Variants in BRINP1 observed in about 807,000 individuals in gnomAD.
BRINP1 encodes BMP/retinoic acid-inducible neural-specific protein 1.
Under a neutral mutation model 72.9 loss-of-function variants are expected in BRINP1, and 17 were observed. That is an observed-to-expected ratio of 0.23 (90% CI 0.16 to 0.35). The LOEUF is 0.35. BRINP1 is among the 10% of genes least tolerant of loss of function. The pLI is 1.00. For missense variants in BRINP1, 850 were observed against 1,001.6 expected (o/e 0.85, Z 2.04); for synonymous variants, 418 against 378.5 (o/e 1.10, Z -1.21).
chr9:119,196,357 T>A (rs1829737380), intron 7 of BRINP1, among the ~76,000 whole-genome samples: 1 of 152,184 alleles, frequency 6.6e-6, no homozygotes, highest in South Asian at 2.1e-4. Flanking sequence ...ACAGATCATA[T>A]CAGCACAGAG....
chr9:119,291,285 A>G (rs529924954), intron 2 of BRINP1, among the ~76,000 whole-genome samples: 1 of 152,318 alleles, frequency 6.6e-6, no homozygotes, highest in South Asian at 2.1e-4. Flanking sequence ...CTGTGCAACT[A>G]TATTTGGCTA....
chr9:119,313,428 G>A, intron 1 of BRINP1, 23 bp from the exon 2 acceptor site: 2 of 1,514,758 alleles, frequency 1.3e-6, no homozygotes, highest in Non-Finnish European at 1.8e-6. Flanking sequence ...GAATAAAAAA[G>A]AGAGAGAAAA....
At chr9:119,363,383 T>A (rs1831655553) in intron 1 of BRINP1, among the ~76,000 whole-genome samples, 1 of 152,212 alleles carries the variant, frequency 6.6e-6, no homozygotes, top group Admixed American at 6.5e-5. Context: ...ATTAGAGGCA[T>A]GAGCCACCAA....
chr9:119,326,655 G>C (rs1262938243), intron 1 of BRINP1, among the ~76,000 whole-genome samples: 1 of 152,104 alleles, frequency 6.6e-6, no homozygotes, highest in Non-Finnish European at 1.5e-5. Flanking sequence ...CTTTCAAAAG[G>C]GGAAGTGAAA....
chr9:119,239,449 G>A (rs1227824776), intron 4 of BRINP1, among the ~76,000 whole-genome samples: 2 of 152,298 alleles, frequency 1.3e-5, no homozygotes, highest in East Asian at 3.9e-4. Context: ...GGGTAAGAGA[G>A]GAACAGCTAT....
At chr9:119,285,899 CA>C (rs1830756419) in intron 2 of BRINP1, among the ~76,000 whole-genome samples, 1 of 152,056 alleles carries the variant, frequency 6.6e-6, no homozygotes, top group African/African-American at 2.4e-5. Context: ...AACTGAGATC[CA>C]ACTTATACCA....
At chr9:119,343,727 G>T (rs1206241616) in intron 1 of BRINP1, among the ~76,000 whole-genome samples, 2 of 152,104 alleles carry the variant, frequency 1.3e-5, no homozygotes, top group Admixed American at 1.3e-4. Flanking sequence ...TGCACTATCT[G>T]CCTGAGGCTG....
At chr9:119,229,589 G>A (rs1181568510) in intron 5 of BRINP1, among the ~76,000 whole-genome samples, 1 of 152,078 alleles carries the variant, frequency 6.6e-6, no homozygotes, top group Non-Finnish European at 1.5e-5. Flanking sequence ...AAGAAGCCAG[G>A]AGGCTTCTCA....
intron 2 of BRINP1, among the ~76,000 whole-genome samples, chr9:119,279,589 G>A (rs1328397741): frequency 2.0e-5 from 3 of 152,228 alleles, no homozygotes; most frequent in Non-Finnish European, 2.9e-5. Context: ...CCCTTCAGAG[G>A]TAGCCAAAGC....
chr9:119,315,988 G>C (rs944713410), intron 1 of BRINP1, among the ~76,000 whole-genome samples: 3 of 152,322 alleles, frequency 2.0e-5, no homozygotes, highest in Admixed American at 6.5e-5. Flanking sequence ...TAACATGAAA[G>C]TACAAGGTGA....
intron 2 of BRINP1, among the ~76,000 whole-genome samples, chr9:119,273,782 G>C (rs1341438282): frequency 6.6e-6 from 1 of 152,112 alleles, no homozygotes; most frequent in East Asian, 1.9e-4. Flanking sequence ...CAACCACAAG[G>C]GTTGGGATAG....
chr9:119,340,562 A>G (rs1389354330), intron 1 of BRINP1, among the ~76,000 whole-genome samples: 1 of 152,182 alleles, frequency 6.6e-6, no homozygotes, highest in African/African-American at 2.4e-5. Flanking sequence ...AGGGTACAGG[A>G]TTTGGAGACA....
At chr9:119,341,702 C>T (rs905310744) in intron 1 of BRINP1, among the ~76,000 whole-genome samples, 3 of 152,168 alleles carry the variant, frequency 2.0e-5, no homozygotes, top group African/African-American at 7.2e-5. Context: ...GTATTGAATG[C>T]ATTTTTGGCT....
At chr9:119,359,841 A>T (rs1831610324) in intron 1 of BRINP1, among the ~76,000 whole-genome samples, 1 of 152,186 alleles carries the variant, frequency 6.6e-6, no homozygotes, top group South Asian at 2.1e-4. Flanking sequence ...AACACAAAGA[A>T]TATGTCACAT....
chr9:119,276,228 A>G (rs1242914966), intron 2 of BRINP1, among the ~76,000 whole-genome samples: 3 of 152,176 alleles, frequency 2.0e-5, no homozygotes, highest in African/African-American at 7.2e-5. Flanking sequence ...TATATATCAT[A>G]TTTCCTAATG....
At chr9:119,282,236 A>G (rs571849690) in intron 2 of BRINP1, among the ~76,000 whole-genome samples, 34 of 151,310 alleles carry the variant, frequency 2.2e-4, no homozygotes, top group African/African-American at 8.0e-4. Context: ...ATGAGACGAC[A>G]GTGTTGGGGA....
At chr9:119,326,324 T>G (rs1475011236) in intron 1 of BRINP1, among the ~76,000 whole-genome samples, 1 of 152,178 alleles carries the variant, frequency 6.6e-6, no homozygotes, top group Admixed American at 6.5e-5. Context: ...CAGTGTGAAC[T>G]ACCACAAATC....
chr9:119,264,861 C>T (rs955501232), intron 2 of BRINP1, among the ~76,000 whole-genome samples: 6 of 152,088 alleles, frequency 3.9e-5, no homozygotes, highest in Admixed American at 6.6e-5. Flanking sequence ...TTAGTAGAGA[C>T]GGGATTTCAC....
chr9:119,227,345 C>A (rs990162175), intron 5 of BRINP1, among the ~76,000 whole-genome samples: 5 of 152,054 alleles, frequency 3.3e-5, no homozygotes, highest in Non-Finnish European at 7.4e-5. Flanking sequence ...CCTCCTCATT[C>A]TATTCGGTTT....
Sources: allele counts gnomAD v4.1 joint callset (sites outside exome capture counted in the v4.1 genomes callset), GRCh38; gene constraint gnomAD v4.1.1; transcripts MANE v1.5; gene names NCBI Gene and HGNC (gene_info 2026-07-23, HGNC 2026-07-21).